The following BCHE variants were observed in gnomAD, a reference collection of about 807,000 sequenced individuals.
BCHE encodes butyrylcholinesterase.
Under a neutral mutation model 51.3 loss-of-function variants are expected in BCHE, and 48 were observed. That is an observed-to-expected ratio of 0.94 (90% CI 0.74 to 1.19). The LOEUF (loss-of-function observed/expected upper bound fraction) is 1.19, where lower values mean the gene tolerates loss of function less well. Ranked by LOEUF, BCHE falls within the 50% of genes most tolerant of loss-of-function variation. BCHE has a pLI of 0.00. For synonymous variants in BCHE, 251 were observed against 238.0 expected (o/e 1.05, Z -0.50); for missense variants, 847 against 708.2 (o/e 1.20, Z -2.23).
chr3:165,775,744 C>T (rs1712445259), intron 3 of BCHE, among the ~76,000 whole-genome samples: 1 of 151,822 alleles, frequency 6.6e-6, no homozygotes, highest in African/African-American at 2.4e-5. Flanking sequence ...TTCACAAATG[C>T]TCTATAAATC....
Position 165,781,504 on chromosome 3 carries a change from T to TA in BCHE, c.1684+4640dup, listed in dbSNP as rs1712697037. 3.9e-5 allele frequency among the ~76,000 whole-genome samples: 6 copies of TA among 151,934 alleles called. No homozygotes were observed. The South Asian group carries it at 1.2e-3, about 32-fold the overall frequency. ...ACTAACACAGGAACAGAAAACCGAA[T>TA]ACTGCATGTTCTCACTCATAAGTGG... is the stretch of plus-strand genomic sequence containing the variant. On this transcript the variant is annotated intron_variant, in intron 3 of 3. Coordinates refer to ENST00000264381, the MANE Select transcript of BCHE (RefSeq NM_000055.4).
rs370506433 is a variant in BCHE, at chr3:165,829,621, T to C, written c.1413A>G (p.Glu471=). Residue 471 remains glutamate (E), a synonymous_variant, in exon 2 of 4, where the codon GAA becomes GAG. Coordinates refer to ENST00000264381, the MANE Select transcript of BCHE (RefSeq NM_000055.4). ...WMGVMHGYEI[E]FVFGLPLERR... is the part of the protein sequence containing the mutation. The stretch of plus-strand genomic sequence containing the variant: ...TTTCCAGAGGTAAACCAAAGACAAA[T>C]TCAATTTCATAGCCATGCATCACTC... 5.1e-5 allele frequency: 83 copies of C among 1,613,814 alleles called. 1 individual carries two copies. In the South Asian group the frequency reaches 8.0e-4, roughly 16 times the overall value.
chr3:165,808,891 C>G (rs993503018), intron 2 of BCHE, among the ~76,000 whole-genome samples: 2 of 152,050 alleles, frequency 1.3e-5, no homozygotes, highest in Non-Finnish European at 2.9e-5. Context: ...CTACAAAACA[C>G]GGGCATATAC....
intron 3 of BCHE, among the ~76,000 whole-genome samples, chr3:165,776,476 T>G (rs746111690): frequency 7.2e-5 from 11 of 151,816 alleles, no homozygotes. Flanking sequence ...AAATATTTTT[T>G]ATGAGAAAGG....
In BCHE at chr3:165,830,847, G is replaced by C; in HGVS notation, c.187C>G (p.Gln63Glu). 2 of 1,613,970 alleles carry C rather than the reference G, an allele frequency of 1.2e-6. No individual in the cohort carries two copies. Among genetic ancestry groups the C allele is most frequent in the Non-Finnish European group, 1.7e-6 (2 of 1,179,930 alleles). ...AATCGAAGTCTACCAAGAGGTGGCT[G>C]TGCATAGGGAATTCCAAGAAAGGCT... is the stretch of plus-strand genomic sequence containing the variant. Reference protein sequence around the residue: ...VTAFLGIPYAQPPLGRLRFKK... With the variant: ...VTAFLGIPYAEPPLGRLRFKK... The change falls in exon 2 of 4, where the codon CAG becomes GAG. Residue 63 changes from glutamine (Q) to glutamate (E), a missense_variant. Transcript: ENST00000264381.
chr3:165,823,432 C>T (rs1714601503), intron 2 of BCHE, among the ~76,000 whole-genome samples: 1 of 151,818 alleles, frequency 6.6e-6, no homozygotes, highest in Admixed American at 6.6e-5. Flanking sequence ...TAATACTGGA[C>T]AGAACAAACA....
chr3:165,830,402 G>A lies in BCHE; in HGVS notation c.632C>T (p.Ala211Val). The change falls in exon 2 of 4, where the codon GCA (alanine) becomes GTA (valine). Residue 211 changes from alanine (A) to valine (V), a missense_variant. Coordinates refer to ENST00000264381, the MANE Select transcript of BCHE (RefSeq NM_000055.4). ...LALQWVQKNI[A>V]AFGGNPKSVT... Reference sequence around the variant, plus strand: ...ACTTTTAGGATTTCCACCAAAGGCTGCTATATTTTTTTGAACCCACTGAAG... The same window carrying A: ...ACTTTTAGGATTTCCACCAAAGGCTACTATATTTTTTTGAACCCACTGAAG... 6.2e-7 allele frequency: 1 copy of A among 1,613,954 alleles called. No individual in the cohort carries two copies. The highest frequency in any genetic ancestry group is 1.3e-5 in the African/African-American group (1 of 75,026).
intron 2 of BCHE, among the ~76,000 whole-genome samples, chr3:165,797,611 AG>A (rs1379742895): frequency 1.3e-5 from 2 of 151,972 alleles, no homozygotes; most frequent in African/African-American, 2.4e-5. Context: ...TATTTTAATA[AG>A]GGGGCAGACT....
chr3:165,809,076 T>C (rs1271247286), intron 2 of BCHE, among the ~76,000 whole-genome samples: 1 of 152,158 alleles, frequency 6.6e-6, no homozygotes, highest in Non-Finnish European at 1.5e-5. Flanking sequence ...TTACTTTATT[T>C]AAAAAGTAAA....
chr3:165,824,607 C>T (rs1043725631), intron 2 of BCHE, among the ~76,000 whole-genome samples: 5 of 151,784 alleles, frequency 3.3e-5, no homozygotes, highest in African/African-American at 1.2e-4. Flanking sequence ...GCCAACTGTC[C>T]CCCATCATTC....
intron 3 of BCHE, among the ~76,000 whole-genome samples, chr3:165,776,900 G>A (rs1277682891): frequency 6.6e-6 from 1 of 151,430 alleles, no homozygotes; most frequent in Non-Finnish European, 1.5e-5. Context: ...ATCAACAATA[G>A]GTCACATAGT....
At chr3:165,776,554 A>C (rs926386741) in intron 3 of BCHE, among the ~76,000 whole-genome samples, 1 of 151,922 alleles carries the variant, frequency 6.6e-6, no homozygotes, top group Non-Finnish European at 1.5e-5. Context: ...AAGAAAGTGG[A>C]GGCTTGATAC....
At chr3:165,783,308 G>C (rs988028661) in intron 3 of BCHE, among the ~76,000 whole-genome samples, 1 of 152,080 alleles carries the variant, frequency 6.6e-6, no homozygotes, top group African/African-American at 2.4e-5. Context: ...TATAAACTTA[G>C]GCTAGGCTTT....
chr3:165,817,516 C>T (rs1714355704), intron 2 of BCHE, among the ~76,000 whole-genome samples: 1 of 151,934 alleles, frequency 6.6e-6, no homozygotes, highest in Non-Finnish European at 1.5e-5. Context: ...CTTCACATAC[C>T]TATTCCAGCC....
At chr3:165,814,449 A>C (rs1714227428) in intron 2 of BCHE, among the ~76,000 whole-genome samples, 1 of 152,090 alleles carries the variant, frequency 6.6e-6, no homozygotes, top group Non-Finnish European at 1.5e-5. Flanking sequence ...TCATAATGTT[A>C]ATAGTTTAGT....
At chr3:165,789,423 C>T (rs1713085812) in intron 2 of BCHE, among the ~76,000 whole-genome samples, 1 of 151,914 alleles carries the variant, frequency 6.6e-6, no homozygotes, top group Non-Finnish European at 1.5e-5. Context: ...TCAATTGATT[C>T]AGGATGCCCT....
At chr3:165,791,246 G>T (rs772098395) in intron 2 of BCHE, among the ~76,000 whole-genome samples, 1 of 150,742 alleles carries the variant, frequency 6.6e-6, no homozygotes, top group Non-Finnish European at 1.5e-5. Context: ...AATGAGCCGA[G>T]ATCACACCAT....
In BCHE at chr3:165,830,096, G is replaced by A. The variant is rs771576791; in HGVS notation, c.938C>T (p.Pro313Leu). 51 of 1,613,508 alleles carry A rather than the reference G, an allele frequency of 3.2e-5. No individual in the cohort carries two copies. The highest frequency in any genetic ancestry group is 4.2e-5 in the Non-Finnish European group (50 of 1,179,862). Residue 313 changes from proline to leucine, a missense_variant, in exon 2 of 4, where the codon CCT (proline) becomes CTT (leucine). By Grantham distance (98) the Pro-to-Leu change is moderately conservative. Transcript: ENST00000264381. ...GGTCGGACCAAAGTTTACTGACAAA[G>A]GAGTCCCATAGGGGACAACAAATGC... ...NEAFVVPYGT[P>L]LSVNFGPTVD...
intron 3 of BCHE, among the ~76,000 whole-genome samples, chr3:165,783,722 T>C (rs1712803097): frequency 6.6e-6 from 1 of 152,098 alleles, no homozygotes; most frequent in South Asian, 2.1e-4. Context: ...CCACTTTTAG[T>C]GAAAAAATAT....
Sources: allele counts gnomAD v4.1 joint callset (sites outside exome capture counted in the v4.1 genomes callset), GRCh38; gene constraint gnomAD v4.1.1; transcripts MANE v1.5; gene names NCBI Gene and HGNC (gene_info 2026-07-23, HGNC 2026-07-21).